The following MCF2L variants were observed in gnomAD, a reference collection of about 807,000 sequenced individuals.
MCF2L encodes MCF.2 cell line derived transforming sequence like, also known as guanine nucleotide exchange factor DBS.
Under a neutral mutation model 153.4 loss-of-function variants are expected in MCF2L, and 97 were observed. The ratio of observed to expected loss-of-function variants is 0.63; its 90% confidence interval spans 0.54 to 0.75. The LOEUF (loss-of-function observed/expected upper bound fraction) is 0.75. MCF2L is among the 30% of genes least tolerant of loss of function. MCF2L has a pLI of 0.00. For missense variants in MCF2L, 1,347 were observed against 1,495.2 expected, an observed-to-expected ratio of 0.90 and a Z score of 1.64; for synonymous variants, 659 against 632.2, an observed-to-expected ratio of 1.04 and a Z score of -0.64.
chr13:113,013,828 G>C (rs2084328007), intron 1 of MCF2L, among the ~76,000 whole-genome samples: 1 of 152,220 alleles, frequency 6.6e-6, no homozygotes, highest in Non-Finnish European at 1.5e-5. Flanking sequence ...AGGCACAGTG[G>C]CCTGGCAGCC....
In MCF2L at chr13:113,094,531, C is replaced by T. The variant is rs2035487293; in HGVS notation, c.2971C>T (p.His991Tyr). 6.2e-7 allele frequency: 1 copy of T among 1,611,978 alleles called. No individual in the cohort carries two copies. ...TCTCTTAGGTTGGAGCAAAACGTCC[C>T]ACTCACTGGAGGCACCTGAGGACGA... The part of the protein sequence containing the change: ...EKGKGWSKTS[H>Y]SLEAPEDDGG... Residue 991 changes from histidine (H) to tyrosine (Y), a missense_variant, in exon 27 of 30, where the codon CAC (histidine) becomes TAC (tyrosine). Coordinates refer to ENST00000535094, the MANE Select transcript of MCF2L (RefSeq NM_001112732.3).
At chr13:113,021,347 C>T (rs2084875777) in intron 2 of MCF2L, among the ~76,000 whole-genome samples, 1 of 152,092 alleles carries the variant, frequency 6.6e-6, no homozygotes, top group South Asian at 2.1e-4. Flanking sequence ...CCCGTAGGAA[C>T]CACACTTCTT....
intron 22 of MCF2L, 84 bp downstream of exon 22, chr13:113,087,540 C>T (rs964562583): frequency 3.9e-5 from 46 of 1,183,842 alleles, no homozygotes; most frequent in Non-Finnish European, 5.4e-5. Flanking sequence ...GAGGTGGCCA[C>T]GCTGACACCC....
Position 113,096,565 on chromosome 13 carries a change from G to C in MCF2L, c.3204G>C (p.Pro1068=). ...CCCCTTGCAGGTACGTCAGGGACCC[G>C]ACCACTGGCAAGGAGGGCTGGGTGC... ...GDEGLWYVRD[P]TTGKEGWVPA... Residue 1068 remains proline (P), a synonymous_variant, in exon 29 of 30, where the codon CCG becomes CCC. Transcript: ENST00000535094. 6.2e-7 allele frequency: 1 copy of C among 1,604,660 alleles called. No homozygotes were observed. The highest frequency in any genetic ancestry group is 1.1e-5 in the South Asian group (1 of 90,294).
chr13:113,091,438 G>A (rs904852428), intron 26 of MCF2L, among the ~76,000 whole-genome samples: 9 of 152,202 alleles, frequency 5.9e-5, no homozygotes, highest in Non-Finnish European at 7.3e-5. Flanking sequence ...TGCCCACCCC[G>A]TCGGTGGCTG....
chr13:113,039,149 G>A (rs527657534), intron 3 of MCF2L, among the ~76,000 whole-genome samples: 10 of 152,252 alleles, frequency 6.6e-5, no homozygotes, highest in African/African-American at 2.2e-4. Context: ...GTGAGCCACC[G>A]CGCCCGGCCA....
chr13:113,010,350 G>C (rs189246766), intron 1 of MCF2L: 1 of 152,214 alleles, frequency 6.6e-6, no homozygotes, highest in Non-Finnish European at 1.5e-5. Context: ...TGCTTCAGTC[G>C]TCTGGTTTTG....
At chr13:112,906,174 C>G (rs115226742) in intron 2 of MCF2L, among the ~76,000 whole-genome samples, 1 of 152,194 alleles carries the variant, frequency 6.6e-6, no homozygotes, top group Non-Finnish European at 1.5e-5. Context: ...TTTCAGCTAT[C>G]GTGACAGTGT....
chr13:113,029,448 C>T (rs1280006030), intron 3 of MCF2L, among the ~76,000 whole-genome samples: 1 of 152,200 alleles, frequency 6.6e-6, no homozygotes, highest in African/African-American at 2.4e-5. Context: ...ATGTGGGGGT[C>T]AATCATGGCC....
chr13:113,022,057 G>A (rs896952249), intron 2 of MCF2L, among the ~76,000 whole-genome samples: 1 of 152,168 alleles, frequency 6.6e-6, no homozygotes, highest in Non-Finnish European at 1.5e-5. Flanking sequence ...CCCCAAGGCT[G>A]CCCTGCTGAC....
intron 1 of MCF2L, among the ~76,000 whole-genome samples, chr13:112,970,166 T>G (rs533110307): frequency 3.9e-4 from 60 of 152,240 alleles, no homozygotes; most frequent in Non-Finnish European, 6.5e-4. Context: ...TCGTTTTCCT[T>G]GAAATGAAGA....
chr13:113,082,062 G>A (rs2034195227), intron 16 of MCF2L, among the ~76,000 whole-genome samples: 1 of 152,076 alleles, frequency 6.6e-6, no homozygotes, highest in South Asian at 2.1e-4. Context: ...CCCAAATGTA[G>A]ACGGGTGTCT....
Position 113,075,175 on chromosome 13 carries a change from C to T in MCF2L, c.1294C>T (p.Arg432Cys), listed in dbSNP as rs145619176. 39 of 1,597,038 alleles carry T rather than the reference C, an allele frequency of 2.4e-5. No homozygotes were observed. Among genetic ancestry groups the T allele is most frequent in the Non-Finnish European group, 3.1e-5 (36 of 1,168,026 alleles). ...GCTCAGCAAGTCCCTGGAGCTGCACCGCCGCCTGGAGACGGTAGGCCGAGC... is the reference window on the plus strand; with the variant it reads ...GCTCAGCAAGTCCCTGGAGCTGCACTGCCGCCTGGAGACGGTAGGCCGAGC... ...GLLSKSLELH[R>C]RLETSMKWCD... is the part of the protein sequence containing the mutation. The change falls in exon 11 of 30, where the codon CGC (arginine) becomes TGC (cysteine). Residue 432 changes from arginine (R) to cysteine (C), a missense_variant. Arg to Cys is a radical substitution (Grantham distance 180). Coordinates refer to ENST00000535094, the MANE Select transcript of MCF2L (RefSeq NM_001112732.3).
chr13:112,989,016 G>T (rs1456828419), intron 1 of MCF2L, among the ~76,000 whole-genome samples: 1 of 126,632 alleles, frequency 7.9e-6, no homozygotes, highest in Non-Finnish European at 1.7e-5. Context: ...CCCTGAGCAG[G>T]ACATGGAGCT....
Position 113,075,200 on chromosome 13 carries a change from C to T in MCF2L, c.1308+11C>T, listed in dbSNP as rs1180636440. ...CGCCGCCTGGAGACGGTAGGCCGAG[C>T]CGGACCCCACCCCACTCCCCCCCAG... is the stretch of plus-strand genomic sequence containing the variant. On this transcript the variant is annotated intron_variant, in intron 11 of 29. Coordinates refer to ENST00000535094, the MANE Select transcript of MCF2L (RefSeq NM_001112732.3). The T allele has an allele frequency of 2.5e-6, 4 of 1,576,324 alleles. No individual in the cohort carries two copies. The highest frequency in any genetic ancestry group is 3.5e-6 in the Non-Finnish European group (4 of 1,155,548).
At chr13:112,968,495 G>A, upstream of MCF2L, 5 of 1,585,252 alleles carry the variant, frequency 3.2e-6, no homozygotes, top group Non-Finnish European at 3.4e-6. Flanking sequence ...CGTGCCTGCA[G>A]CGCGCGCTTC....
chr13:113,089,480 G>A (rs908424593), intron 25 of MCF2L, 130 bp from the exon 26 acceptor site: 16 of 690,070 alleles, frequency 2.3e-5, no homozygotes, highest in South Asian at 1.6e-4. Flanking sequence ...TTAGAAACAC[G>A]TGCAGGAGAT....
chr13:113,089,545 A>G (rs932017998), intron 25 of MCF2L, 65 bp from the exon 26 acceptor site: 5 of 1,068,216 alleles, frequency 4.7e-6, no homozygotes, highest in Non-Finnish European at 7.2e-6. Context: ...TCAGGTCCTC[A>G]GGGCGTTCTG....
rs1341939171 is a variant in MCF2L at position 112,913,008 on chromosome 13, ATC to A, written c.169+10641_169+10642del. ...CTGTGTGATTGTGTGTCTGTGGTGT[ATC>A]TCTGTGTCTGGGTGTGTCTGTGATT... is the stretch of plus-strand genomic sequence containing the variant. On this transcript the variant is annotated intron_variant, in intron 2 of 29. Transcript: ENST00000375608. 6.8e-5 allele frequency among the ~76,000 whole-genome samples: 7 copies of A among 102,920 alleles called. No homozygotes were observed. The South Asian group carries it at 1.8e-3, about 26-fold the overall frequency. The allele number at this position is 102,920 out of a possible 152,430, so 67.5% of individuals were successfully genotyped here. A position where few individuals can be genotyped will look rare whatever the true frequency, so the allele number is the denominator to read the frequency against.
Sources: allele counts gnomAD v4.1 joint callset (sites outside exome capture counted in the v4.1 genomes callset), GRCh38; gene constraint gnomAD v4.1.1; transcripts MANE v1.5; gene names NCBI Gene and HGNC (gene_info 2026-07-23, HGNC 2026-07-21).